The following MYRFL variants were observed in gnomAD, a reference collection of about 807,000 sequenced individuals.
MYRFL encodes myelin regulatory factor-like protein.
A neutral mutation model predicts 109.4 loss-of-function variants in MYRFL; 88 were observed. The ratio of observed to expected loss-of-function variants is 0.80; its 90% CI spans 0.68 to 0.96. MYRFL has a LOEUF of 0.96. Among genes scored for constraint, MYRFL ranks in the 40% least tolerant of loss-of-function variants. The probability of loss-of-function intolerance (pLI) is 0.00; values close to 1 mark genes in which losing one functional copy is unlikely to be tolerated. For missense variants in MYRFL, 957 were observed against 954.9 expected (o/e 1.00, Z -0.03); for synonymous variants, 324 against 320.9 (o/e 1.01, Z -0.10).
intron 11 of MYRFL, among the ~76,000 whole-genome samples, chr12:69,905,942 A>T (rs1449079420): frequency 6.6e-6 from 1 of 152,112 alleles, no homozygotes; most frequent in Non-Finnish European, 1.5e-5. Context: ...TTAAAAAGAG[A>T]GCCTTTCTTT....
intron 1 of MYRFL, among the ~76,000 whole-genome samples, chr12:69,841,611 C>T (rs545999234): frequency 1.3e-5 from 2 of 152,288 alleles, no homozygotes; most frequent in Admixed American, 6.5e-5. Flanking sequence ...CACACCACAC[C>T]AGGTCAGACT....
intron 22 of MYRFL, 30 bp downstream of exon 22, chr12:69,955,467 AT>A (rs777572691): frequency 1.8e-6 from 1 of 563,312 alleles, no homozygotes; most frequent in Non-Finnish European, 3.1e-6. Context: ...AAACAATTTC[AT>A]TTTTATCATT....
At chr12:69,888,267 TC>T (rs1007344235) in intron 6 of MYRFL, among the ~76,000 whole-genome samples, 2 of 152,130 alleles carry the variant, frequency 1.3e-5, no homozygotes, top group African/African-American at 4.8e-5. Flanking sequence ...AATTCACTTT[TC>T]CTAAGCAAAA....
chr12:69,917,383 C>CTTTTT (rs56118035), intron 13 of MYRFL, among the ~76,000 whole-genome samples: 41 of 102,506 alleles, frequency 4.0e-4, no homozygotes, highest in East Asian at 1.1e-3. Context: ...TATTCACTGA[C>CTTTTT]TTTTTTTTTT....
At chr12:69,885,724 GT>G (rs1183895090) in intron 5 of MYRFL, among the ~76,000 whole-genome samples, 1 of 152,128 alleles carries the variant, frequency 6.6e-6, no homozygotes, top group Non-Finnish European at 1.5e-5. Context: ...AAAATAGGAG[GT>G]TGCACATGTG....
chr12:69,851,023 A>G lies in MYRFL; in HGVS notation c.47-4257A>G, dbSNP rs187560133. 1.3e-3 allele frequency among the ~76,000 whole-genome samples: 204 copies of G among 152,322 alleles called. 3 individuals carry two copies. Among genetic ancestry groups the G allele is most frequent in the African/African-American group, 4.3e-3 (180 of 41,576 alleles). ...TTGAGACATTGTAAAATTTATTACA[A>G]TGGCTGCATAATATTTCATGGAATG... On this transcript the variant is annotated intron_variant, in intron 1 of 24. Coordinates refer to ENST00000552032, the MANE Select transcript of MYRFL (RefSeq NM_182530.3).
intron 13 of MYRFL, among the ~76,000 whole-genome samples, chr12:69,912,974 T>C (rs528626026): frequency 6.6e-6 from 1 of 152,302 alleles, no homozygotes; most frequent in East Asian, 1.9e-4. Flanking sequence ...TGTAATTTTT[T>C]TTTTCTTTTT....
chr12:69,845,812 C>G (rs1332765866), intron 1 of MYRFL, among the ~76,000 whole-genome samples: 1 of 142,764 alleles, frequency 7.0e-6, no homozygotes, highest in African/African-American at 2.6e-5. Flanking sequence ...AAAAAAAAAC[C>G]TTGTTATTTC....
intron 11 of MYRFL, among the ~76,000 whole-genome samples, chr12:69,907,418 C>G (rs1954400920): frequency 6.6e-6 from 1 of 152,174 alleles, no homozygotes; most frequent in Admixed American, 6.5e-5. Flanking sequence ...GGTACTTTCT[C>G]CTCTGCTTTT....
intron 19 of MYRFL, among the ~76,000 whole-genome samples, chr12:69,938,517 A>G (rs1441694992): frequency 6.6e-6 from 1 of 152,190 alleles, no homozygotes; most frequent in African/African-American, 2.4e-5. Flanking sequence ...TGGACCATAT[A>G]TACACTAGTG....
chr12:69,910,219 G>C (rs1954514187), intron 12 of MYRFL, 142 bp downstream of exon 12: 1 of 624,142 alleles, frequency 1.6e-6, no homozygotes, highest in Non-Finnish European at 2.6e-6. Context: ...ATAGTCACTA[G>C]AACAGGAAAG....
chr12:69,917,228 G>A (rs1264487122), intron 13 of MYRFL, among the ~76,000 whole-genome samples: 1 of 152,088 alleles, frequency 6.6e-6, no homozygotes, highest in Non-Finnish European at 1.5e-5. Flanking sequence ...AATGTGTAGT[G>A]CCATTGCTCT....
Position 69,932,862 on chromosome 12 carries a change from C to CGTGTGTGTGTGTGTGTGTGTGTGTGTGT in MYRFL, c.1916+284_1916+285insGTGTGTGTGTGTGTGTGTGTGTGTGTGT, listed in dbSNP as rs3970822. 2.3e-4 allele frequency among the ~76,000 whole-genome samples: 35 copies of CGTGTGTGTGTGTGTGTGTGTGTGTGTGT among 149,456 alleles called. 1 individual carries two copies. The highest frequency in any genetic ancestry group is 4.8e-4 in the Non-Finnish European group (32 of 67,134). On this transcript the variant is annotated intron_variant, in intron 16 of 24. Coordinates refer to ENST00000552032, the MANE Select transcript of MYRFL (RefSeq NM_182530.3). ...ATGTTTAGCAGCAAACTGTGCCTTT[C>CGTGTGTGTGTGTGTGTGTGTGTGTGTGT]GTGTGTGTGTGTGTGTGTGTTTGTG...
chr12:69,879,563 G>T, intron 4 of MYRFL, 110 bp downstream of exon 4: 1 of 603,398 alleles, frequency 1.7e-6, no homozygotes, highest in South Asian at 2.0e-5. Context: ...TCCAGGAGAT[G>T]GCAGTGTTGA....
chr12:69,879,450 C>T lies in MYRFL; in HGVS notation c.461C>T (p.Pro154Leu), dbSNP rs1236571095. 1.4e-6 allele frequency: 1 copy of T among 700,770 alleles called. No individual in the cohort carries two copies. The highest frequency in any genetic ancestry group is 2.0e-5 in the Admixed American group (1 of 49,696). 43.4% of individuals were successfully genotyped at this position (700,770 alleles called of 1,614,324 possible). The part of the protein sequence containing the change: ...SYPQQPLCHS[P>L]GASLPPTKKR... ...CCTCAGCAGCCTCTGTGTCACAGCC[C>T]TGGGTAAAGAAAAAGATATTTAGTT... is the stretch of plus-strand genomic sequence containing the variant. Residue 154 changes from proline to leucine, a missense_variant, in exon 4 of 25, where the codon CCT (proline) becomes CTT (leucine). Coordinates refer to ENST00000552032, the MANE Select transcript of MYRFL (RefSeq NM_182530.3).
At chr12:69,924,303 T>G (rs1305102054) in intron 13 of MYRFL, among the ~76,000 whole-genome samples, 1 of 152,226 alleles carries the variant, frequency 6.6e-6, no homozygotes, top group African/African-American at 2.4e-5. Context: ...CCCATCTTGT[T>G]TCTTCCTTTC....
intron 19 of MYRFL, among the ~76,000 whole-genome samples, chr12:69,948,154 A>G (rs1592894799): frequency 6.6e-6 from 1 of 152,178 alleles, no homozygotes. Context: ...CTGTATGACT[A>G]CTGGAAGATT....
intron 2 of MYRFL, among the ~76,000 whole-genome samples, chr12:69,870,896 T>C (rs1565984013): frequency 6.6e-6 from 1 of 152,208 alleles, no homozygotes; most frequent in African/African-American, 2.4e-5. Flanking sequence ...GGAGACTGCA[T>C]TCCTGTTTAC....
chr12:69,862,292 A>G (rs1173893280), intron 2 of MYRFL, among the ~76,000 whole-genome samples: 172 of 150,264 alleles, frequency 1.1e-3, no homozygotes, highest in African/African-American at 3.9e-3. Context: ...GAAGAAAGTC[A>G]TTGGTAGCTT....
Sources: allele counts gnomAD v4.1 joint callset (sites outside exome capture counted in the v4.1 genomes callset), GRCh38; gene constraint gnomAD v4.1.1; transcripts MANE v1.5; gene names NCBI Gene and HGNC (gene_info 2026-07-23, HGNC 2026-07-21).